RBFOX1: variants seen among roughly 807,000 people sequenced by gnomAD.
RBFOX1 encodes the protein RNA binding fox-1 homolog 1, also known as RNA binding protein fox-1 homolog 1.
A neutral mutation model predicts 57.7 loss-of-function variants in RBFOX1; 8 were observed. The observed-to-expected ratio is 0.14, with a 90% CI of 0.08 to 0.25. The LOEUF is 0.25. RBFOX1 is among the 10% of genes least tolerant of loss of function. The pLI, the probability that RBFOX1 is intolerant of heterozygous loss-of-function variation, is 1.00. For synonymous variants in RBFOX1, 326 were observed against 222.4 expected, an observed-to-expected ratio of 1.47 and a Z score of -4.15; for missense variants, 611 against 548.5, an observed-to-expected ratio of 1.11 and a Z score of -1.14.
chr16:5,619,271 C>T (rs888018467), intron 3 of RBFOX1, among the ~76,000 whole-genome samples: 1 of 152,144 alleles, frequency 6.6e-6, no homozygotes, highest in African/African-American at 2.4e-5. Flanking sequence ...GCTCCAGCCA[C>T]CTTGGCTGCA....
chr16:5,392,322 A>G (rs953731253), intron 1 of RBFOX1, among the ~76,000 whole-genome samples: 2 of 152,194 alleles, frequency 1.3e-5, no homozygotes, highest in African/African-American at 4.8e-5. Flanking sequence ...GGGCATAGTC[A>G]CATCATATTA....
chr16:6,816,450 G>A (rs1603628301), intron 3 of RBFOX1, among the ~76,000 whole-genome samples: 1 of 150,086 alleles, frequency 6.7e-6, no homozygotes, highest in Non-Finnish European at 1.5e-5. Flanking sequence ...TAAAGAAACA[G>A]GGTCTTGTTG....
chr16:6,848,690 A>T (rs947038902), intron 3 of RBFOX1, among the ~76,000 whole-genome samples: 1 of 152,108 alleles, frequency 6.6e-6, no homozygotes, highest in Admixed American at 6.5e-5. Flanking sequence ...AGCTGGGCAG[A>T]TGGATGGAAT....
chr16:6,929,041 A>C (rs2076092351), intron 3 of RBFOX1, among the ~76,000 whole-genome samples: 1 of 152,174 alleles, frequency 6.6e-6, no homozygotes, highest in South Asian at 2.1e-4. Context: ...GATGTGAGCC[A>C]GTTAGGAAGA....
intron 2 of RBFOX1, among the ~76,000 whole-genome samples, chr16:5,495,910 G>A (rs892295894): frequency 3.3e-5 from 5 of 152,212 alleles, no homozygotes; most frequent in Non-Finnish European, 5.9e-5. Context: ...CAGATCACCT[G>A]AGGTCAGGAG....
chr16:7,560,310 G>T (rs1477091467), intron 5 of RBFOX1, among the ~76,000 whole-genome samples: 1 of 152,292 alleles, frequency 6.6e-6, no homozygotes, highest in African/African-American at 2.4e-5. Context: ...TTTTAGACGT[G>T]ACAGGTGCCT....
chr16:5,595,970 T>G (rs957739406), intron 2 of RBFOX1, among the ~76,000 whole-genome samples: 2 of 152,130 alleles, frequency 1.3e-5, no homozygotes, highest in African/African-American at 4.8e-5. Flanking sequence ...GTTGGTACCA[T>G]CTTCTGTCTC....
At chr16:6,087,216 T>C (rs2096099702) in intron 1 of RBFOX1, among the ~76,000 whole-genome samples, 2 of 152,202 alleles carry the variant, frequency 1.3e-5, no homozygotes, top group African/African-American at 4.8e-5. Context: ...AGTGGCACAT[T>C]TTTAGGGGAA....
chr16:7,093,087 T>A (rs867632634), intron 4 of RBFOX1, among the ~76,000 whole-genome samples: 13 of 152,368 alleles, frequency 8.5e-5, no homozygotes, highest in Middle Eastern at 6.8e-3. Context: ...TGCAGTGCTT[T>A]ACAGCAAAAT....
chr16:6,485,351 CCT>C (rs903344268), intron 2 of RBFOX1, among the ~76,000 whole-genome samples: 5 of 151,356 alleles, frequency 3.3e-5, no homozygotes, highest in Non-Finnish European at 7.4e-5. Flanking sequence ...CTCTCTTACC[CCT>C]CTTCTCTTCT....
intron 1 of RBFOX1, among the ~76,000 whole-genome samples, chr16:6,304,294 A>G (rs146591420): frequency 1.3e-4 from 20 of 152,106 alleles, no homozygotes; most frequent in African/African-American, 4.6e-4. Context: ...TCTCAAAAAA[A>G]AGAAAGATAA....
intron 4 of RBFOX1, among the ~76,000 whole-genome samples, chr16:7,357,529 C>T (rs1435501528): frequency 6.6e-6 from 1 of 152,130 alleles, no homozygotes; most frequent in Non-Finnish European, 1.5e-5. Flanking sequence ...GAAATCCAAC[C>T]ACCTCCACCT....
At chr16:7,285,075 CTTTTTTTTTTTTTTT>C (rs58959488) in intron 4 of RBFOX1, among the ~76,000 whole-genome samples, 3 of 42,732 alleles carry the variant, frequency 7.0e-5, no homozygotes, top group African/African-American at 1.7e-4. Flanking sequence ...AGATTCCTTA[CTTTTTTTTTTTTTTT>C]TTTTTTTTTT....
chr16:7,284,786 C>G (rs1384863410), intron 4 of RBFOX1, among the ~76,000 whole-genome samples: 1 of 152,190 alleles, frequency 6.6e-6, no homozygotes, highest in Non-Finnish European at 1.5e-5. Context: ...AATAATAACT[C>G]TGCACAAGTT....
At chr16:6,854,201 G>C (rs190099020) in intron 3 of RBFOX1, among the ~76,000 whole-genome samples, 1 of 152,130 alleles carries the variant, frequency 6.6e-6, no homozygotes, top group Non-Finnish European at 1.5e-5. Flanking sequence ...TTTAGACAGA[G>C]CTTGCATTCA....
chr16:6,394,343 G>A (rs905196043), intron 2 of RBFOX1, among the ~76,000 whole-genome samples: 3 of 152,138 alleles, frequency 2.0e-5, no homozygotes, highest in Non-Finnish European at 4.4e-5. Context: ...GCTTTAAGTG[G>A]AAATTATTTT....
chr16:6,942,019 A>C (rs184585920), intron 3 of RBFOX1, among the ~76,000 whole-genome samples: 2 of 152,250 alleles, frequency 1.3e-5, no homozygotes, highest in East Asian at 3.9e-4. Context: ...ATTTGAAATT[A>C]GGAGTTTGAG....
intron 2 of RBFOX1, among the ~76,000 whole-genome samples, chr16:6,417,177 A>C (rs541860897): frequency 3.3e-5 from 5 of 151,444 alleles, no homozygotes; most frequent in African/African-American, 1.2e-4. Context: ...ATGCCCAGTA[A>C]ACTTTTGTAT....
At chr16:7,419,669 A>G (rs1245331055) in intron 4 of RBFOX1, among the ~76,000 whole-genome samples, 1 of 152,082 alleles carries the variant, frequency 6.6e-6, no homozygotes, top group Non-Finnish European at 1.5e-5. Flanking sequence ...ATCTTTCTTC[A>G]AAATTGACTT....
Sources: gnomAD v4.1 joint callset for allele counts (sites outside exome capture counted in the v4.1 genomes callset) on GRCh38, gnomAD v4.1.1 for gene constraint, MANE v1.5 for transcripts, NCBI Gene and HGNC (gene_info 2026-07-23, HGNC 2026-07-21) for gene names.